Variants in MARCHF1 observed in about 807,000 individuals in gnomAD.
MARCHF1 encodes the protein membrane associated ring-CH-type finger 1, also known as E3 ubiquitin-protein ligase MARCHF1.
A neutral mutation model predicts 54.2 loss-of-function variants in MARCHF1; 40 were observed. The ratio of observed to expected loss-of-function variants is 0.74; its 90% CI spans 0.57 to 0.96. The LOEUF is 0.96. Ranked by LOEUF, MARCHF1 falls within the 40% of genes least tolerant of loss-of-function variation. MARCHF1 has a pLI of 0.00. For missense variants in MARCHF1, 586 were observed against 656.5 expected (o/e 0.89, Z 1.17); for synonymous variants, 236 against 236.3 (o/e 1.00, Z 0.01).
intron 1 of MARCHF1, among the ~76,000 whole-genome samples, chr4:164,138,220 G>C (rs926503179): frequency 1.4e-5 from 2 of 144,650 alleles, no homozygotes; most frequent in Non-Finnish European, 3.1e-5. Context: ...CATTACCTAG[G>C]TTTTTTTTTT....
chr4:164,336,785 T>C (rs1044725871), intron 1 of MARCHF1, among the ~76,000 whole-genome samples: 1 of 152,208 alleles, frequency 6.6e-6, no homozygotes, highest in Non-Finnish European at 1.5e-5. Flanking sequence ...TCTCATCACA[T>C]GAAAGAAGCA....
chr4:164,243,849 A>G, intron 1 of MARCHF1, among the ~76,000 whole-genome samples: 1 of 151,594 alleles, frequency 6.6e-6, no homozygotes, highest in Non-Finnish European at 1.5e-5. Flanking sequence ...CAAAGATCAA[A>G]AGAGACAAAG....
Position 163,733,240 on chromosome 4 carries a change from T to TAC in MARCHF1, c.112-32379_112-32378dup, listed in dbSNP as rs1561047165. On this transcript the variant is annotated intron_variant, in intron 4 of 9. Transcript: ENST00000514618. ...ATATATACACGTGTATATATATATATACACGTGTATATATATATACACACA... is the reference window on the plus strand; with the variant it reads ...ATATATACACGTGTATATATATATATACACACGTGTATATATATATACACACA... 1.3e-3 allele frequency among the ~76,000 whole-genome samples: 62 copies of TAC among 46,694 alleles called. 3 individuals carry two copies. Among genetic ancestry groups the TAC allele is most frequent in the African/African-American group, 3.5e-3 (62 of 17,954 alleles). 30.6% of individuals were successfully genotyped at this position (46,694 alleles called of 152,430 possible).
chr4:163,575,702 T>C (rs74881334), intron 8 of MARCHF1, among the ~76,000 whole-genome samples: 1 of 151,818 alleles, frequency 6.6e-6, no homozygotes, highest in Non-Finnish European at 1.5e-5. Context: ...TTTTTTTTTT[T>C]ATTACTGATT....
intron 1 of MARCHF1, among the ~76,000 whole-genome samples, chr4:164,293,826 T>C (rs1734345775): frequency 1.3e-5 from 2 of 152,198 alleles, no homozygotes; most frequent in South Asian, 4.1e-4. Context: ...TTACAAATTG[T>C]GGTAGTTAAT....
intron 1 of MARCHF1, among the ~76,000 whole-genome samples, chr4:164,132,253 T>C (rs1404473018): frequency 6.6e-6 from 1 of 152,194 alleles, no homozygotes; most frequent in East Asian, 1.9e-4. Context: ...TGTTTGCTTT[T>C]AGCCTCTTCA....
chr4:164,333,468 A>G (rs1315052451), intron 1 of MARCHF1, among the ~76,000 whole-genome samples: 2 of 152,202 alleles, frequency 1.3e-5, no homozygotes, highest in African/African-American at 4.8e-5. Context: ...TTATTATTAT[A>G]TCTATTATGG....
At chr4:164,205,001 G>T (rs1731565270) in intron 1 of MARCHF1, among the ~76,000 whole-genome samples, 1 of 152,098 alleles carries the variant, frequency 6.6e-6, no homozygotes, top group African/African-American at 2.4e-5. Context: ...AAACTAAAAT[G>T]ATCCAAATGC....
At chr4:163,723,757 G>T (rs148143673) in intron 4 of MARCHF1, among the ~76,000 whole-genome samples, 2 of 151,854 alleles carry the variant, frequency 1.3e-5, no homozygotes, top group South Asian at 4.2e-4. Flanking sequence ...TTCTCTTCTC[G>T]CTTCATTTCG....
intron 1 of MARCHF1, among the ~76,000 whole-genome samples, chr4:164,215,290 T>TGCCA (rs1731897718): frequency 6.6e-6 from 1 of 152,256 alleles, no homozygotes; most frequent in Admixed American, 6.5e-5. Flanking sequence ...GTAGATAGCC[T>TGCCA]GCCAGCGTTC....
At chr4:163,926,832 C>A (rs779487479) in intron 3 of MARCHF1, among the ~76,000 whole-genome samples, 2 of 151,424 alleles carry the variant, frequency 1.3e-5, no homozygotes, top group African/African-American at 4.8e-5. Flanking sequence ...CTATGACAAT[C>A]CATGAATATG....
At chr4:163,899,691 A>T (rs1454077037) in intron 3 of MARCHF1, among the ~76,000 whole-genome samples, 2 of 151,762 alleles carry the variant, frequency 1.3e-5, no homozygotes, top group East Asian at 3.9e-4. Context: ...TTGTATCTTG[A>T]CATCTCCATT....
chr4:164,199,100 C>T (rs1263726885), intron 1 of MARCHF1, among the ~76,000 whole-genome samples: 1 of 152,104 alleles, frequency 6.6e-6, no homozygotes, highest in Non-Finnish European at 1.5e-5. Flanking sequence ...ATCACATGTT[C>T]CAAATCCTAT....
intron 3 of MARCHF1, among the ~76,000 whole-genome samples, chr4:163,925,873 A>AT (rs1168889688): frequency 6.6e-6 from 1 of 151,712 alleles, no homozygotes; most frequent in Non-Finnish European, 1.5e-5. Context: ...AAATTCTGGT[A>AT]TAAAAAATGA....
At chr4:163,868,278 T>A (rs555199705) in intron 3 of MARCHF1, among the ~76,000 whole-genome samples, 1 of 152,084 alleles carries the variant, frequency 6.6e-6, no homozygotes, top group South Asian at 2.1e-4. Context: ...TATGACCCAA[T>A]GATGAATACT....
In MARCHF1 at chr4:163,689,838, T is replaced by C. The variant is rs556849374; in HGVS notation, c.162+10975A>G. The stretch of plus-strand genomic sequence containing the variant: ...GTCATAAGTCTACTAATTTATATTA[T>C]AGTAAAAAAGGAAATTACAAAACAT... On this transcript the variant is annotated intron_variant, in intron 5 of 9. Transcript: ENST00000514618. Among the ~76,000 whole-genome samples, 8 of 152,310 alleles carry C rather than the reference T, an allele frequency of 5.3e-5. No individual in the cohort carries two copies. In the East Asian group the frequency reaches 1.5e-3, roughly 29 times the overall value.
At chr4:164,303,767 A>G (rs1734625931) in intron 1 of MARCHF1, among the ~76,000 whole-genome samples, 1 of 151,888 alleles carries the variant, frequency 6.6e-6, no homozygotes, top group African/African-American at 2.4e-5. Flanking sequence ...ACATACACAC[A>G]TGCGTGCACA....
Position 163,655,153 on chromosome 4 carries a change from CTTAA to C in MARCHF1, c.163-41764_163-41761del, listed in dbSNP as rs1477070503. ...GCTGAATGCTTAGCATTTCAAATACCTTAATTATTATTTTTGCTACTGTCTTACA... is the reference window on the plus strand; with the variant it reads ...GCTGAATGCTTAGCATTTCAAATACCTTATTATTTTTGCTACTGTCTTACA... On this transcript the variant is annotated intron_variant, in intron 5 of 9. Transcript: ENST00000514618. Among the ~76,000 whole-genome samples the C allele has an allele frequency of 6.6e-5, 10 of 151,466 alleles. No homozygotes were observed. The South Asian group carries it at 8.3e-4, about 13-fold the overall frequency.
chr4:163,570,097 C>T (rs1739791309), intron 8 of MARCHF1, among the ~76,000 whole-genome samples: 1 of 152,090 alleles, frequency 6.6e-6, no homozygotes, highest in African/African-American at 2.4e-5. Flanking sequence ...CTTAAGCCAG[C>T]ATAACCCTTA....
Sources: gnomAD v4.1 joint callset for allele counts (sites outside exome capture counted in the v4.1 genomes callset) on GRCh38, gnomAD v4.1.1 for gene constraint, MANE v1.5 for transcripts, NCBI Gene and HGNC (gene_info 2026-07-23, HGNC 2026-07-21) for gene names.